The following UBE2E3 variants were observed in gnomAD, a reference collection of about 807,000 sequenced individuals.
UBE2E3 encodes ubiquitin-conjugating enzyme E2 E3.
In UBE2E3, 5 loss-of-function variants were observed where a neutral mutation model predicts 23.6. That is an observed-to-expected ratio of 0.21 (90% CI 0.11 to 0.44). UBE2E3 has a LOEUF of 0.44. Ranked by LOEUF, UBE2E3 falls within the 20% of genes least tolerant of loss-of-function variation. The pLI, the probability that UBE2E3 is intolerant of heterozygous loss-of-function variation, is 0.99. For synonymous variants in UBE2E3, 78 were observed against 87.5 expected (o/e 0.89, Z 0.60); for missense variants, 81 against 249.8 (o/e 0.32, Z 4.55).
chr2:181,029,859 A>G (rs866466288), intron 3 of UBE2E3, among the ~76,000 whole-genome samples: 1 of 139,980 alleles, frequency 7.1e-6, no homozygotes, highest in African/African-American at 2.7e-5. Context: ...TTTTTTTGAG[A>G]CGGAGTCTCT....
In UBE2E3 at chr2:181,040,648, G is replaced by A. The variant is rs146642352; in HGVS notation, c.246-17045G>A. On this transcript the variant is annotated intron_variant, in intron 3 of 5. Coordinates refer to ENST00000410062, the MANE Select transcript of UBE2E3 (RefSeq NM_006357.4). Reference sequence around the variant, plus strand: ...ACTACAAATTATAGGATGAAGGTGGGTAATCACTAGAGGTTTCAGATGGAT... The same window carrying A: ...ACTACAAATTATAGGATGAAGGTGGATAATCACTAGAGGTTTCAGATGGAT... Among the ~76,000 whole-genome samples, 234 of 152,216 alleles carry A rather than the reference G, an allele frequency of 1.5e-3. 1 individual carries two copies. The highest frequency in any genetic ancestry group is 5.2e-3 in the African/African-American group (215 of 41,528).
At chr2:180,993,725 C>T (rs62180088) in intron 3 of UBE2E3, among the ~76,000 whole-genome samples, 35,275 of 151,950 alleles carry the variant, frequency 0.23, 4,459 homozygotes, top group Non-Finnish European at 0.28. Context: ...ACATTAAATT[C>T]TAGTAGGTCA....
At chr2:180,985,258 ATTAC>A (rs1321475624) in intron 3 of UBE2E3, among the ~76,000 whole-genome samples, 1 of 152,166 alleles carries the variant, frequency 6.6e-6, no homozygotes, top group Non-Finnish European at 1.5e-5. Flanking sequence ...ATCTCAAAGT[ATTAC>A]TTAAGAGCTA....
intron 3 of UBE2E3, among the ~76,000 whole-genome samples, chr2:181,043,455 A>G (rs1049003626): frequency 1.3e-5 from 2 of 152,182 alleles, no homozygotes; most frequent in Admixed American, 1.3e-4. Flanking sequence ...TTAGTGTATA[A>G]GATGTACATG....
chr2:180,991,011 G>A (rs577883538), intron 3 of UBE2E3, among the ~76,000 whole-genome samples: 1 of 152,168 alleles, frequency 6.6e-6, no homozygotes, highest in Non-Finnish European at 1.5e-5. Flanking sequence ...AATGTTTCTC[G>A]ACATTACTGT....
At chr2:181,054,351 C>T (rs1000555128) in intron 3 of UBE2E3, among the ~76,000 whole-genome samples, 3 of 151,578 alleles carry the variant, frequency 2.0e-5, no homozygotes, top group Non-Finnish European at 2.9e-5. Flanking sequence ...TTTGTATTCT[C>T]CACTAGCAAT....
chr2:181,057,671 A>T (rs751832986), intron 3 of UBE2E3, 22 bp from the exon 4 acceptor site: 17 of 1,592,028 alleles, frequency 1.1e-5, no homozygotes, highest in Admixed American at 5.1e-5. Context: ...GTACATACTG[A>T]TTTTTAATTT....
intron 3 of UBE2E3, among the ~76,000 whole-genome samples, chr2:181,016,903 A>G (rs963739781): frequency 6.6e-6 from 1 of 152,202 alleles, no homozygotes; most frequent in African/African-American, 2.4e-5. Context: ...AGGAAGGACC[A>G]AGGGCCCAGA....
At chr2:181,053,131 T>A (rs1227304524) in intron 3 of UBE2E3, among the ~76,000 whole-genome samples, 3 of 151,806 alleles carry the variant, frequency 2.0e-5, no homozygotes. Flanking sequence ...TAAAGATATG[T>A]TTGAAAGAGT....
At chr2:181,041,362 CT>C (rs1686498735) in intron 3 of UBE2E3, among the ~76,000 whole-genome samples, 1 of 151,230 alleles carries the variant, frequency 6.6e-6, no homozygotes, top group South Asian at 2.1e-4. Context: ...GAACATACTA[CT>C]TTTTATATAG....
At chr2:181,042,454 A>G (rs574821066) in intron 3 of UBE2E3, among the ~76,000 whole-genome samples, 9 of 152,330 alleles carry the variant, frequency 5.9e-5, no homozygotes, top group African/African-American at 1.2e-4. Context: ...GAATTAGGGA[A>G]GTCCTTCTAT....
chr2:181,007,220 T>C (rs1048872419), intron 3 of UBE2E3, among the ~76,000 whole-genome samples: 2 of 152,214 alleles, frequency 1.3e-5, no homozygotes, highest in African/African-American at 2.4e-5. Flanking sequence ...TTGAGTAAGC[T>C]GAGAGAAAGA....
intron 3 of UBE2E3, among the ~76,000 whole-genome samples, chr2:180,987,854 A>G (rs906562743): frequency 6.6e-6 from 1 of 152,122 alleles, no homozygotes; most frequent in Non-Finnish European, 1.5e-5. Flanking sequence ...TCTGCGTCAC[A>G]GATGAGGTTG....
chr2:181,006,568 A>C lies in UBE2E3; in HGVS notation c.245+22475A>C, dbSNP rs181097971. Among the ~76,000 whole-genome samples, 7 of 152,288 alleles carry C rather than the reference A, an allele frequency of 4.6e-5. 1 individual carries two copies. The East Asian group carries it at 1.3e-3, about 29-fold the overall frequency. The stretch of plus-strand genomic sequence containing the variant: ...TATATGCATGTTAAATATTAGGAAC[A>C]TGCTAAATATTTCTCGTTTAGCTGA... On this transcript the variant is annotated intron_variant, in intron 3 of 5. Coordinates refer to ENST00000410062, the MANE Select transcript of UBE2E3 (RefSeq NM_006357.4).
chr2:180,985,294 C>G (rs1419848744), intron 3 of UBE2E3, among the ~76,000 whole-genome samples: 2 of 152,148 alleles, frequency 1.3e-5, no homozygotes, highest in Non-Finnish European at 2.9e-5. Context: ...AATGTAGCCA[C>G]TTGCCACATG....
intron 3 of UBE2E3, among the ~76,000 whole-genome samples, chr2:180,993,298 C>T (rs1387989542): frequency 6.6e-6 from 1 of 152,174 alleles, no homozygotes; most frequent in East Asian, 1.9e-4. Flanking sequence ...TGGTTATTCA[C>T]AACAAATGAA....
intron 2 of UBE2E3, 80 bp downstream of exon 2, chr2:180,982,316 A>C: frequency 7.9e-7 from 1 of 1,264,088 alleles, no homozygotes; most frequent in Non-Finnish European, 1.1e-6. Context: ...GTTTTACCTC[A>C]ATAGCAGTAG....
intron 3 of UBE2E3, among the ~76,000 whole-genome samples, chr2:181,031,594 TAACGACTA>T: frequency 6.6e-6 from 1 of 152,318 alleles, no homozygotes; most frequent in South Asian, 2.1e-4. Context: ...ACCATTTACT[TAACGACTA>T]CTTTCTGTTT....
At chr2:181,034,095 C>G (rs1231733262) in intron 3 of UBE2E3, among the ~76,000 whole-genome samples, 1 of 152,278 alleles carries the variant, frequency 6.6e-6, no homozygotes, top group East Asian at 1.9e-4. Context: ...TAAACTAGTT[C>G]AACCATTGTG....
Sources: allele counts gnomAD v4.1 joint callset (sites outside exome capture counted in the v4.1 genomes callset), GRCh38; gene constraint gnomAD v4.1.1; transcripts MANE v1.5; gene names NCBI Gene and HGNC (gene_info 2026-07-23, HGNC 2026-07-21).